Variants in TOP2A observed in about 807,000 individuals in gnomAD.
TOP2A encodes DNA topoisomerase II alpha, also known as DNA topoisomerase 2-alpha.
Under a neutral mutation model 187.2 loss-of-function variants are expected in TOP2A, and 68 were observed. That is an observed-to-expected ratio of 0.36 (90% confidence interval 0.30 to 0.44). The LOEUF is 0.44. TOP2A is among the 20% of genes least tolerant of loss of function. The probability of loss-of-function intolerance (pLI) is 1.00; values close to 1 mark genes in which losing one functional copy is unlikely to be tolerated. For missense variants in TOP2A, 1,196 were observed against 1,808.7 expected, an observed-to-expected ratio of 0.66 and a Z score of 6.14; for synonymous variants, 542 against 593.2, an observed-to-expected ratio of 0.91 and a Z score of 1.25.
intron 24 of TOP2A, 23 bp from the exon 25 acceptor site, chr17:40,399,154 A>G (rs376137517): frequency 6.8e-6 from 10 of 1,460,596 alleles, no homozygotes; most frequent in Non-Finnish European, 9.4e-6. Flanking sequence ...AAGTAAACAG[A>G]GATAATGATT....
intron 34 of TOP2A, 60 bp from the exon 35 acceptor site, chr17:40,389,707 TA>T: frequency 1.3e-6 from 2 of 1,552,004 alleles, no homozygotes; most frequent in Non-Finnish European, 1.7e-6. Flanking sequence ...AATTGTAATG[TA>T]AAAAAATGTA....
chr17:40,412,441 C>T (rs934974595), intron 7 of TOP2A, among the ~76,000 whole-genome samples: 5 of 152,034 alleles, frequency 3.3e-5, no homozygotes, highest in African/African-American at 4.8e-5. Context: ...GTCTGGTGTT[C>T]GAGACCAGCC....
In TOP2A at chr17:40,414,772, C is replaced by G. The variant is rs1385270944; in HGVS notation, c.333-1147G>C. Among the ~76,000 whole-genome samples the G allele has an allele frequency of 3.4e-5, 5 of 148,536 alleles. No homozygotes were observed. The East Asian group carries it at 6.2e-4, about 18-fold the overall frequency. On this transcript the variant is annotated intron_variant, in intron 4 of 34. Transcript: ENST00000423485. ...TCTGGAGGCTGAGGCAGGAGAATTG[C>G]TTGAACCCAGGAGGTGGATGTTGCG...
intron 27 of TOP2A, among the ~76,000 whole-genome samples, chr17:40,397,107 A>G (rs929074382): frequency 6.6e-6 from 1 of 151,604 alleles, no homozygotes; most frequent in Non-Finnish European, 1.5e-5. Context: ...CTGGTTTTGA[A>G]CTCCTAATCT....
chr17:40,404,826 C>A lies in TOP2A; in HGVS notation c.2011G>T (p.Asp671Tyr). ...CCAAGTAACTTTCGTTGTCTTCTATCCTCCATGAAATTAGTTAACCATTCC... is the reference window on the plus strand; with the variant it reads ...CCAAGTAACTTTCGTTGTCTTCTATACTCCATGAAATTAGTTAACCATTCC... ...RKEWLTNFME[D>Y]RRQRKLLGLP... Residue 671 changes from aspartate (D) to tyrosine (Y), a missense_variant, in exon 17 of 35, where the codon GAT becomes TAT. By Grantham distance (160) the Asp-to-Tyr change is radical (BLOSUM62 -3). This residue lies in a region of TOP2A where 209 missense variants were observed against 376.9 expected (regional missense o/e 0.55). Transcript: ENST00000423485. The A allele has an allele frequency of 2.5e-6, 4 of 1,605,200 alleles. No homozygotes were observed. Among genetic ancestry groups the A allele is most frequent in the South Asian group, 1.1e-5 (1 of 89,398 alleles).
Position 40,402,759 on chromosome 17 carries a change from C to G in TOP2A, c.2432+147G>C, listed in dbSNP as rs2035197145. 4.1e-6 allele frequency: 3 copies of G among 726,640 alleles called. No individual in the cohort carries two copies. In the South Asian group the frequency reaches 6.6e-5, roughly 16 times the overall value. 45.0% of individuals were successfully genotyped at this position (726,640 alleles called of 1,614,324 possible). On this transcript the variant is annotated intron_variant, in intron 20 of 34. Coordinates refer to ENST00000423485, the MANE Select transcript of TOP2A (RefSeq NM_001067.4). The stretch of plus-strand genomic sequence containing the variant: ...GCACTGGATAATTGTTATGGGGGGG[C>G]TTTCCTGTATAAGCCTCACCCCTGG...
chr17:40,395,384 T>C (rs750920279), intron 29 of TOP2A, 65 bp downstream of exon 29: 5 of 1,010,206 alleles, frequency 4.9e-6, no homozygotes, highest in African/African-American at 1.6e-5. Context: ...CTATGTGGAA[T>C]GTACTAGGTA....
intron 1 of TOP2A, 144 bp from the exon 2 acceptor site, chr17:40,417,039 C>T (rs2035398689): frequency 1.4e-6 from 1 of 724,444 alleles, no homozygotes; most frequent in South Asian, 2.0e-5. Context: ...CAGTTTTGTA[C>T]AAATAGGACA....
Position 40,391,414 on chromosome 17 carries a change from T to C in TOP2A, c.4267+92A>G, listed in dbSNP as rs1052908136. On this transcript the variant is annotated intron_variant, in intron 33 of 34. Transcript: ENST00000423485. ...GAAAACATTTAATCTGTAATATCAA[T>C]AGTAAGTTTTGGCAATAAAAAAATT... is the stretch of plus-strand genomic sequence containing the variant. The C allele has an allele frequency of 1.8e-5, 22 of 1,233,360 alleles. No individual in the cohort carries two copies. The African/African-American group carries it at 2.3e-4, about 13-fold the overall frequency. The allele number at this position is 1,233,360 out of a possible 1,614,324, so 76.4% of individuals were successfully genotyped here.
Position 40,406,610 on chromosome 17 carries a change from T to C in TOP2A, c.1817A>G (p.Lys606Arg), listed in dbSNP as rs756159113. The part of the protein sequence containing the change: ...EEWKSSTPNH[K>R]KWKVKYYKGL... Reference sequence around the variant, plus strand: ...TTTGTAATATTTGACTTTCCATTTTTTATGATTTGGAGTAGAACTCTTCCA... The same window carrying C: ...TTTGTAATATTTGACTTTCCATTTTCTATGATTTGGAGTAGAACTCTTCCA... Residue 606 changes from lysine to arginine, a missense_variant, in exon 15 of 35, where the codon AAA (lysine) becomes AGA (arginine). Transcript: ENST00000423485. 3 of 1,611,772 alleles carry C rather than the reference T, an allele frequency of 1.9e-6. No homozygotes were observed. The highest frequency in any genetic ancestry group is 2.5e-6 in the Non-Finnish European group (3 of 1,179,352).
intron 11 of TOP2A, 64 bp from the exon 12 acceptor site, chr17:40,408,188 A>T: frequency 7.7e-7 from 1 of 1,294,354 alleles, no homozygotes; most frequent in Non-Finnish European, 1.1e-6. Context: ...TACTAACTTG[A>T]ACATGCTGTT....
chr17:40,407,448 T>G, intron 13 of TOP2A, 101 bp downstream of exon 13: 1 of 920,900 alleles, frequency 1.1e-6, no homozygotes, highest in Non-Finnish European at 1.6e-6. Context: ...TGAATAAAGC[T>G]CCTATTTAAC....
chr17:40,412,978 A>G lies in TOP2A; in HGVS notation c.577-7T>C. On this transcript the variant is annotated splice_region_variant and splice_polypyrimidine_tract_variant and intron_variant, in intron 6 of 34. Transcript: ENST00000423485. The stretch of plus-strand genomic sequence containing the variant: ...CCATATTATCCATCCATGTCTATGG[A>G]AGTAAAGAATAGGAAACATGAAAAA... The G allele has an allele frequency of 6.2e-7, 1 of 1,602,960 alleles. No homozygotes were observed. The highest frequency in any genetic ancestry group is 1.3e-5 in the African/African-American group (1 of 74,742).
At chr17:40,389,784 A>G in intron 34 of TOP2A, 137 bp from the exon 35 acceptor site, 1 of 1,285,182 alleles carries the variant, frequency 7.8e-7, no homozygotes, top group Non-Finnish European at 1.1e-6. Context: ...TCTAAGGCCA[A>G]CTCTTCCATT....
At position 40,400,946 on chromosome 17, in the gene TOP2A, G is replaced by A. The variant is rs760643897; in HGVS notation, c.2568C>T (p.Ile856=). ...GGATTTTGCAGGACCACCCAGTACC[G>A]ATTCCTTCAGCACCATTTATCAGCA... ...PMVLINGAEG[I]GTGWSCKIPN... Residue 856 remains isoleucine, a synonymous_variant, in exon 21 of 35, where the codon ATC becomes ATT. Transcript: ENST00000423485. The A allele has an allele frequency of 7.4e-6, 12 of 1,613,902 alleles. No homozygotes were observed. Among genetic ancestry groups the A allele is most frequent in the African/African-American group, 1.3e-5 (1 of 75,008 alleles).
intron 27 of TOP2A, among the ~76,000 whole-genome samples, chr17:40,397,778 AT>A (rs1379272976): frequency 0.037 from 5,063 of 136,482 alleles, 82 homozygotes; most frequent in African/African-American, 0.072. Context: ...TCTAAATAGT[AT>A]TTTTTTTTTT....
At chr17:40,416,369 G>C in intron 3 of TOP2A, 53 bp downstream of exon 3, 1 of 1,179,158 alleles carries the variant, frequency 8.5e-7, no homozygotes, top group South Asian at 1.5e-5. Context: ...TATTTGGAAT[G>C]ATACTTCTTA....
In TOP2A at chr17:40,412,930, G is replaced by C; in HGVS notation, c.618C>G (p.Leu206=). The C allele has an allele frequency of 6.2e-7, 1 of 1,613,696 alleles. No homozygotes were observed. Among genetic ancestry groups the C allele is most frequent in the Non-Finnish European group, 8.5e-7 (1 of 1,179,738 alleles). The change falls in exon 7 of 35, where the codon CTC becomes CTG. Residue 206 remains leucine (L), a synonymous_variant. Transcript: ENST00000423485. ...TATAATCTTCTCCATTGAAGGGCTT[G>C]AGTTCCATCTCACCAGCTCTTCCCA... ...DNMGRAGEME[L]KPFNGEDYTC...
chr17:40,391,612 A>T lies in TOP2A; in HGVS notation c.4161T>A (p.Ser1387Arg). ...CAGGAGGGCTTGAAGACAGTGGTAC[A>T]CTGCCCTTAACATCATCAGCTTCAA... is the stretch of plus-strand genomic sequence containing the variant. ...SDLEADDVKG[S>R]VPLSSSPPAT... Residue 1387 changes from serine to arginine, a missense_variant, in exon 33 of 35, where the codon AGT becomes AGA. By Grantham distance (110) the Ser-to-Arg change is moderately radical (BLOSUM62 -1). This residue lies in a region of TOP2A where 374 missense variants were observed against 403.3 expected (regional missense o/e 0.93). Transcript: ENST00000423485. 1.2e-6 allele frequency: 2 copies of T among 1,607,232 alleles called. No individual in the cohort carries two copies. Among genetic ancestry groups the T allele is most frequent in the South Asian group, 2.2e-5 (2 of 89,296 alleles).
Sources: gnomAD v4.1 joint callset for allele counts (sites outside exome capture counted in the v4.1 genomes callset) on GRCh38, gnomAD v4.1.1 for gene constraint, gnomAD v4.1.1 regional missense constraint, MANE v1.5 for transcripts, NCBI Gene and HGNC (gene_info 2026-07-23, HGNC 2026-07-21) for gene names.